ST3GAL3: variants seen among roughly 807,000 people sequenced by gnomAD.
ST3GAL3 encodes ST3 beta-galactoside alpha-2,3-sialyltransferase 3, also known as CMP-N-acetylneuraminate-beta-1,4-galactoside alpha-2,3-sialyltransferase.
In ST3GAL3, 21 loss-of-function variants were observed where a neutral mutation model predicts 50.1. The observed-to-expected ratio is 0.42, with a 90% CI of 0.30 to 0.60. The LOEUF is 0.60. Ranked by LOEUF, ST3GAL3 falls within the 20% of genes least tolerant of loss-of-function variation. The pLI is 0.19. For missense variants in ST3GAL3, 353 were observed against 489.4 expected (o/e 0.72, Z 2.63); for synonymous variants, 183 against 190.0 (o/e 0.96, Z 0.30).
intron 3 of ST3GAL3, among the ~76,000 whole-genome samples, chr1:43,802,419 T>G (rs2059419974): frequency 6.6e-6 from 1 of 152,268 alleles, no homozygotes; most frequent in African/African-American, 2.4e-5. Context: ...CTAATCTCAC[T>G]TTTTTGTATC....
intron 11 of ST3GAL3, among the ~76,000 whole-genome samples, chr1:43,928,703 G>A (rs2084482605): frequency 1.3e-5 from 2 of 152,086 alleles, no homozygotes; most frequent in Admixed American, 1.3e-4. Flanking sequence ...GAGGTCAGGA[G>A]TTCAAAACCA....
At chr1:43,925,420 C>T (rs2083749809) in intron 11 of ST3GAL3, among the ~76,000 whole-genome samples, 1 of 152,072 alleles carries the variant, frequency 6.6e-6, no homozygotes, top group African/African-American at 2.4e-5. Flanking sequence ...GCACCTACCT[C>T]CTAGGGTTTG....
At chr1:43,844,124 C>CA (rs2065857620) in intron 5 of ST3GAL3, among the ~76,000 whole-genome samples, 1 of 152,166 alleles carries the variant, frequency 6.6e-6, no homozygotes, top group African/African-American at 2.4e-5. Flanking sequence ...TAGGGCATGG[C>CA]ATGTGGTAAG....
At chr1:43,716,643 G>T (rs1373584718) in intron 1 of ST3GAL3, 1 of 151,872 alleles carries the variant, frequency 6.6e-6, no homozygotes, top group Non-Finnish European at 1.5e-5. Context: ...ACGTGAATGA[G>T]TGAATGGCGG....
chr1:43,835,245 A>C (rs1481945461), intron 4 of ST3GAL3, among the ~76,000 whole-genome samples: 1 of 151,988 alleles, frequency 6.6e-6, no homozygotes, highest in Non-Finnish European at 1.5e-5. Flanking sequence ...GAGACTGACT[A>C]TTCTGGCCCC....
At chr1:43,896,555 A>G (rs1257764519) in intron 6 of ST3GAL3, among the ~76,000 whole-genome samples, 1 of 152,062 alleles carries the variant, frequency 6.6e-6, no homozygotes, top group Non-Finnish European at 1.5e-5. Context: ...CCTTGTTTAT[A>G]TATGTTTGAG....
chr1:43,903,489 C>T (rs912189724), intron 9 of ST3GAL3, among the ~76,000 whole-genome samples: 2 of 152,212 alleles, frequency 1.3e-5, no homozygotes, highest in Admixed American at 1.3e-4. Context: ...AAGCCAGCCT[C>T]GCTGCTGAGC....
At chr1:43,857,614 T>C (rs2068821045) in intron 5 of ST3GAL3, among the ~76,000 whole-genome samples, 1 of 141,658 alleles carries the variant, frequency 7.1e-6, no homozygotes, top group Non-Finnish European at 1.5e-5. Flanking sequence ...CTTCCTTCCT[T>C]CCTTCCTTCC....
rs138221411 is a variant in ST3GAL3, at chr1:43,867,034, G to T, written c.303-27349G>T. Among the ~76,000 whole-genome samples, 864 of 152,310 alleles carry T rather than the reference G, an allele frequency of 5.7e-3. 11 individuals are homozygous for T. Among genetic ancestry groups the T allele is most frequent in the African/African-American group, 0.02 (821 of 41,564 alleles). On this transcript the variant is annotated intron_variant, in intron 5 of 11. Coordinates refer to ENST00000347631, the MANE Select transcript of ST3GAL3 (RefSeq NM_006279.5). ...AATCGCAGCTACTTGGGACGCTTAT[G>T]CAGGAGAGTCGCTTCAACCCGGGAG...
At chr1:43,863,387 C>T (rs796567101) in intron 5 of ST3GAL3, among the ~76,000 whole-genome samples, 11 of 152,222 alleles carry the variant, frequency 7.2e-5, no homozygotes, top group African/African-American at 2.4e-4. Flanking sequence ...ATGACAGCCC[C>T]GGAGCCTCAG....
intron 5 of ST3GAL3, among the ~76,000 whole-genome samples, chr1:43,873,863 A>G (rs2073537440): frequency 6.6e-6 from 1 of 152,158 alleles, no homozygotes; most frequent in African/African-American, 2.4e-5. Flanking sequence ...TGTGGGGTTC[A>G]GGGAAGAGGT....
intron 5 of ST3GAL3, chr1:43,841,016 C>T (rs1047657832): frequency 5.3e-5 from 8 of 152,288 alleles, no homozygotes; most frequent in Non-Finnish European, 1.0e-4. Context: ...AATCTTAAAG[C>T]TCCAAAATTA....
At chr1:43,880,553 C>A (rs574409937) in intron 5 of ST3GAL3, among the ~76,000 whole-genome samples, 1 of 152,190 alleles carries the variant, frequency 6.6e-6, no homozygotes, top group South Asian at 2.1e-4. Flanking sequence ...TGTCTCCTTT[C>A]CATCTGAATA....
chr1:43,767,694 A>G, intron 2 of ST3GAL3, among the ~76,000 whole-genome samples: 1 of 148,300 alleles, frequency 6.7e-6, no homozygotes, highest in African/African-American at 2.5e-5. Flanking sequence ...GGGTAGGGGA[A>G]GGATAGCATT....
chr1:43,794,520 G>A (rs1050129428), intron 3 of ST3GAL3, among the ~76,000 whole-genome samples: 1 of 152,146 alleles, frequency 6.6e-6, no homozygotes, highest in African/African-American at 2.4e-5. Flanking sequence ...GCTAAATTTG[G>A]ATATACACAT....
chr1:43,850,734 G>T, intron 5 of ST3GAL3: 1 of 760,942 alleles, frequency 1.3e-6, no homozygotes, highest in Non-Finnish European at 2.4e-6. Flanking sequence ...CAGTGCCTCA[G>T]ACAGAGCTCT....
At chr1:43,708,165 C>G (rs1412678296) in intron 1 of ST3GAL3, 3 of 152,276 alleles carry the variant, frequency 2.0e-5, no homozygotes, top group African/African-American at 7.2e-5. Flanking sequence ...GCCTCTCTTG[C>G]TTCCTTTCCT....
intron 1 of ST3GAL3, among the ~76,000 whole-genome samples, chr1:43,725,133 G>A (rs892508379): frequency 1.3e-5 from 2 of 152,154 alleles, no homozygotes; most frequent in African/African-American, 2.4e-5. Flanking sequence ...TGTCCAAATC[G>A]CTGTGCTCCA....
intron 5 of ST3GAL3, chr1:43,878,997 C>A (rs1324838231): frequency 2.2e-6 from 1 of 455,690 alleles, no homozygotes; most frequent in South Asian, 1.6e-5. Flanking sequence ...AGACAGGAAG[C>A]AATGCACAAA....
Sources: allele counts gnomAD v4.1 joint callset (sites outside exome capture counted in the v4.1 genomes callset), GRCh38; gene constraint gnomAD v4.1.1; transcripts MANE v1.5; gene names NCBI Gene and HGNC (gene_info 2026-07-23, HGNC 2026-07-21).